Variants in PRLR observed in about 807,000 individuals in gnomAD.
PRLR encodes the protein hPRL receptor.
In PRLR, 13 loss-of-function variants were observed where a neutral mutation model predicts 40.2. The observed-to-expected ratio is 0.32, with a 90% confidence interval of 0.21 to 0.51. PRLR has a LOEUF of 0.51. Among genes scored for constraint, PRLR ranks in the 20% least tolerant of loss-of-function variants. The probability of loss-of-function intolerance (pLI) is 0.97; values close to 1 mark genes in which losing one functional copy is unlikely to be tolerated. For synonymous variants in PRLR, 269 were observed against 278.7 expected (o/e 0.97, Z 0.35); for missense variants, 656 against 747.3 (o/e 0.88, Z 1.42).
chr5:35,068,626 CA>C (rs1769530376), intron 8 of PRLR, among the ~76,000 whole-genome samples, 152 bp downstream of exon 8: 1 of 151,564 alleles, frequency 6.6e-6, no homozygotes, highest in Admixed American at 6.6e-5. Context: ...CTTTTTATAG[CA>C]CTGATAAAAG....
exon 9 of PRLR, chr5:35,049,324 G>A (rs866686497): frequency 7.4e-5 from 52 of 703,128 alleles, no homozygotes; most frequent in Middle Eastern, 2.3e-4. Flanking sequence ...TGTGAACACC[G>A]CAAGTCTTCC....
chr5:35,088,167 C>A (rs1287992891), intron 3 of PRLR, among the ~76,000 whole-genome samples: 2 of 152,184 alleles, frequency 1.3e-5, no homozygotes, highest in African/African-American at 2.4e-5. Flanking sequence ...CCCAGGACAC[C>A]AGGCTAGTAG....
intron 1 of PRLR, among the ~76,000 whole-genome samples, chr5:35,152,455 T>C (rs561965482): frequency 4.3e-5 from 1 of 23,296 alleles, no homozygotes; most frequent in South Asian, 3.1e-3. Context: ...TAGTAAATAT[T>C]GCCCCTCCCA....
At chr5:35,123,622 T>C (rs2111740847) in intron 1 of PRLR, among the ~76,000 whole-genome samples, 1 of 152,256 alleles carries the variant, frequency 6.6e-6, no homozygotes, top group East Asian at 1.9e-4. Flanking sequence ...AGTCAGAAAA[T>C]CTAAGTTCTG....
At chr5:35,082,829 C>A (rs1770605527) in intron 5 of PRLR, among the ~76,000 whole-genome samples, 1 of 152,116 alleles carries the variant, frequency 6.6e-6, no homozygotes, top group Non-Finnish European at 1.5e-5. Flanking sequence ...GTTCTGTGGA[C>A]ACTTCTTTTA....
At position 35,084,843 on chromosome 5, in the gene PRLR, T is replaced by C. The variant is rs79121873; in HGVS notation, c.204-204A>G. Among the ~76,000 whole-genome samples, 542 of 152,264 alleles carry C rather than the reference T, an allele frequency of 3.6e-3. 3 individuals are homozygous for C. The highest frequency in any genetic ancestry group is 0.011 in the African/African-American group (465 of 41,542). On this transcript the variant is annotated intron_variant, in intron 4 of 9. Transcript: ENST00000618457. ...GGAAGAGCATGTTGGAAAGGTTATT[T>C]TAGGGCCTCAAGTATTCTTCTTCCA...
intron 1 of PRLR, among the ~76,000 whole-genome samples, chr5:35,151,478 C>T (rs529803486): frequency 3.9e-5 from 6 of 152,172 alleles, no homozygotes; most frequent in Non-Finnish European, 8.8e-5. Flanking sequence ...CATACAACTT[C>T]TGTGTGAATT....
intron 5 of PRLR, among the ~76,000 whole-genome samples, chr5:35,083,980 G>T (rs560994361): frequency 1.3e-5 from 2 of 151,108 alleles, no homozygotes; most frequent in African/African-American, 4.9e-5. Flanking sequence ...TATATATATC[G>T]CATATATGCA....
chr5:35,195,459 C>A (rs563593485), intron 1 of PRLR: 1 of 152,504 alleles, frequency 6.6e-6, no homozygotes, highest in South Asian at 2.1e-4. Flanking sequence ...AAACACACCC[C>A]ACCCCTGCCA....
At chr5:35,130,515 A>G (rs1438930927) in intron 1 of PRLR, among the ~76,000 whole-genome samples, 1 of 152,210 alleles carries the variant, frequency 6.6e-6, no homozygotes, top group Non-Finnish European at 1.5e-5. Flanking sequence ...CTGAAAGGGC[A>G]AGCAATGGCC....
At chr5:35,163,360 T>C (rs1475239794) in intron 1 of PRLR, among the ~76,000 whole-genome samples, 1 of 152,214 alleles carries the variant, frequency 6.6e-6, no homozygotes, top group Non-Finnish European at 1.5e-5. Flanking sequence ...AACGAGTCCC[T>C]AAGTCTTCCT....
In PRLR at chr5:35,062,838, G is replaced by C. The variant is rs1207445094; in HGVS notation, c.*2251C>G. 6.6e-6 allele frequency: 1 copy of C among 152,204 alleles called. No individual in the cohort carries two copies. The highest frequency in any genetic ancestry group is 1.9e-4 in the East Asian group (1 of 5,202). 9.4% of individuals were successfully genotyped at this position (152,204 alleles called of 1,614,324 possible). ...GAATTCATATAAGATTCAGCATAAT[G>C]TGAATCTTAAACTACTGATATGTTT... is the stretch of plus-strand genomic sequence containing the variant. On this transcript the variant is annotated 3_prime_UTR_variant, in exon 10 of 10. Coordinates refer to ENST00000618457, the MANE Select transcript of PRLR (RefSeq NM_000949.7).
intron 2 of PRLR, among the ~76,000 whole-genome samples, chr5:35,111,651 T>C (rs1772666482): frequency 6.6e-6 from 1 of 152,350 alleles, no homozygotes; most frequent in Admixed American, 6.5e-5. Flanking sequence ...CCATAAGGGA[T>C]TGTTTACCTA....
At chr5:35,068,748 T>C in intron 8 of PRLR, 31 bp downstream of exon 8, 1 of 1,465,174 alleles carries the variant, frequency 6.8e-7, no homozygotes, top group Non-Finnish European at 9.5e-7. Flanking sequence ...CTATCATGAT[T>C]GGGAGGAAAA....
chr5:35,155,091 CAT>C (rs56768835), intron 1 of PRLR, among the ~76,000 whole-genome samples: 11,058 of 152,084 alleles, frequency 0.073, 1,421 homozygotes, highest in African/African-American at 0.25. Flanking sequence ...CACCACGGCA[CAT>C]GTTTACCTGT....
intron 1 of PRLR, among the ~76,000 whole-genome samples, chr5:35,127,291 T>G (rs1197406050): frequency 6.6e-6 from 1 of 152,082 alleles, no homozygotes; most frequent in Non-Finnish European, 1.5e-5. Context: ...TTAAGAAAAC[T>G]CCAGTCATTC....
intron 1 of PRLR, among the ~76,000 whole-genome samples, chr5:35,135,925 C>T (rs191900451): frequency 6.6e-5 from 10 of 152,232 alleles, no homozygotes; most frequent in South Asian, 2.1e-4. Flanking sequence ...AAGCTTTGTC[C>T]GAATAGGGGA....
At position 35,191,317 on chromosome 5, in the gene PRLR, G is replaced by A. The variant is rs1392080577; in HGVS notation, c.-106+38951C>T. Among the ~76,000 whole-genome samples, 11 of 87,596 alleles carry A rather than the reference G, an allele frequency of 1.3e-4. 1 individual carries two copies. The highest frequency in any genetic ancestry group is 2.7e-4 in the East Asian group (1 of 3,680). The allele number at this position is 87,596 out of a possible 152,430, so 57.5% of individuals were successfully genotyped here. On this transcript the variant is annotated intron_variant, in intron 1 of 9. Transcript: ENST00000618457. ...GATCTCCTGACCTCGTGATCCGCCC[G>A]CCTCGGCCTCCCAAAGTGCTGGGAT... is the stretch of plus-strand genomic sequence containing the variant.
intron 1 of PRLR, among the ~76,000 whole-genome samples, chr5:35,153,731 C>CACACACACTGCACACACT (rs1774405224): frequency 6.8e-6 from 1 of 147,844 alleles, no homozygotes; most frequent in African/African-American, 2.6e-5. Flanking sequence ...CACACACACA[C>CACACACACTGCACACACT]ACACACACTG....
Sources: gnomAD v4.1 joint callset for allele counts (sites outside exome capture counted in the v4.1 genomes callset) on GRCh38, gnomAD v4.1.1 for gene constraint, MANE v1.5 for transcripts, NCBI Gene and HGNC (gene_info 2026-07-23, HGNC 2026-07-21) for gene names.